EMID1: variants seen among roughly 807,000 people sequenced by gnomAD.
EMID1 encodes EMI domain-containing protein 1.
EMID1 carries 40 observed loss-of-function variants against 60.6 expected under a neutral mutation model. The observed-to-expected ratio is 0.66, with a 90% CI of 0.51 to 0.86. EMID1 has a LOEUF of 0.86. EMID1 is among the 40% of genes least tolerant of loss of function. The pLI is 0.00. For synonymous variants in EMID1, 242 were observed against 231.0 expected, an observed-to-expected ratio of 1.05 and a Z score of -0.43; for missense variants, 585 against 597.1, an observed-to-expected ratio of 0.98 and a Z score of 0.21.
At chr22:29,215,467 G>A (rs2040047682) in intron 2 of EMID1, 60 bp from the exon 3 acceptor site, 2 of 1,523,914 alleles carry the variant, frequency 1.3e-6, no homozygotes, top group Non-Finnish European at 1.8e-6. Context: ...GGGTGTCCAG[G>A]GCAGTGGGAG....
chr22:29,226,366 C>T, intron 4 of EMID1, 124 bp from the exon 5 acceptor site: 1 of 1,047,298 alleles, frequency 9.5e-7, no homozygotes, highest in Non-Finnish European at 1.4e-6. Flanking sequence ...AGCCTAAGGT[C>T]CCTCGTGGGT....
intron 12 of EMID1, among the ~76,000 whole-genome samples, chr22:29,235,406 G>C (rs1420842928): frequency 1.1e-4 from 16 of 148,778 alleles, no homozygotes; most frequent in Admixed American, 5.4e-4. Flanking sequence ...TTTAAAAACA[G>C]TTTGACTGTT....
At chr22:29,232,993 C>T (rs530275038) in intron 8 of EMID1, 32 of 250,474 alleles carry the variant, frequency 1.3e-4, no homozygotes, top group Non-Finnish European at 1.8e-4. Flanking sequence ...ACTATCCATA[C>T]GATGGGGACA....
chr22:29,217,927 G>T (rs2040145848), intron 3 of EMID1, among the ~76,000 whole-genome samples: 1 of 152,200 alleles, frequency 6.6e-6, no homozygotes, highest in African/African-American at 2.4e-5. Flanking sequence ...CCATAGAGCT[G>T]CATCACCAGG....
chr22:29,216,174 C>T (rs1413957954), intron 3 of EMID1: 5 of 369,762 alleles, frequency 1.4e-5, no homozygotes, highest in African/African-American at 2.2e-5. Flanking sequence ...GTCCCAGGCT[C>T]AGGGACTTCT....
At chr22:29,216,675 C>T (rs753054008) in intron 3 of EMID1, 32 of 984,012 alleles carry the variant, frequency 3.3e-5, no homozygotes, top group Non-Finnish European at 3.9e-5. Flanking sequence ...CTCCCGGGGA[C>T]CCTCAACAGC....
rs1247962705 is a variant in EMID1, at chr22:29,254,247, TGAGA to T, written c.1166_1169del (p.Glu389GlyfsTer3). Reference sequence around the variant, plus strand: ...TACGCGAGGCTTTGAAGATTTTAGCTGAGAGGGTTTTAATCTTGGAAACAATGAT... The same window carrying T: ...TACGCGAGGCTTTGAAGATTTTAGCTGGGTTTTAATCTTGGAAACAATGAT... On this transcript the variant is annotated frameshift_variant, in exon 14 of 15. Coordinates refer to ENST00000334018, the MANE Select transcript of EMID1 (RefSeq NM_133455.4). LOFTEE classifies it high-confidence loss of function. 4 of 1,614,160 alleles carry T rather than the reference TGAGA, an allele frequency of 2.5e-6. No individual in the cohort carries two copies. The highest frequency in any genetic ancestry group is 3.4e-6 in the Non-Finnish European group (4 of 1,180,006).
intron 13 of EMID1, among the ~76,000 whole-genome samples, chr22:29,244,776 A>G (rs573247868): frequency 6.6e-6 from 1 of 152,278 alleles, no homozygotes; most frequent in African/African-American, 2.4e-5. Context: ...ACCCTAAAAC[A>G]TACCATACCC....
rs185708793 is a variant in EMID1 at position 29,225,656 on chromosome 22, G to A, written c.403+440G>A. On this transcript the variant is annotated intron_variant, in intron 4 of 14. Transcript: ENST00000334018. ...GTCTCCGACCTCCCTGCCCTGCCCC[G>A]CCCCAGGCCCCACAGCCAGGAGTGG... 1.2e-3 allele frequency among the ~76,000 whole-genome samples: 177 copies of A among 152,224 alleles called. 2 individuals are homozygous for A. The highest frequency in any genetic ancestry group is 3.6e-3 in the African/African-American group (149 of 41,544).
chr22:29,258,620 T>TG (rs2041792522), intron 14 of EMID1, among the ~76,000 whole-genome samples, 197 bp from the exon 15 acceptor site: 3 of 152,272 alleles, frequency 2.0e-5, no homozygotes, highest in Non-Finnish European at 4.4e-5. Flanking sequence ...CTCCTTGGGC[T>TG]GGGGGGCTGG....
intron 5 of EMID1, among the ~76,000 whole-genome samples, chr22:29,228,047 TC>T (rs2040592199): frequency 6.6e-6 from 1 of 151,018 alleles, no homozygotes; most frequent in Non-Finnish European, 1.5e-5. Flanking sequence ...TCCCAGCTAC[TC>T]GGGAGGCTGA....
intron 13 of EMID1, among the ~76,000 whole-genome samples, chr22:29,248,935 A>G (rs931063894): frequency 3.3e-5 from 5 of 152,212 alleles, no homozygotes; most frequent in African/African-American, 1.2e-4. Context: ...GAGATATGCA[A>G]TCCATCGTAG....
chr22:29,250,086 A>T (rs1173777250), intron 13 of EMID1, among the ~76,000 whole-genome samples: 4 of 152,166 alleles, frequency 2.6e-5, no homozygotes, highest in Admixed American at 2.6e-4. Context: ...CTACAAAAAA[A>T]ATAAAAAAAT....
At chr22:29,233,899 A>G in intron 10 of EMID1, 2 of 660,848 alleles carry the variant, frequency 3.0e-6, no homozygotes, top group Non-Finnish European at 5.1e-6. Context: ...CCTAAGACCA[A>G]GAAAAGTAGA....
At chr22:29,233,945 G>T in intron 10 of EMID1, 192 bp from the exon 11 acceptor site, 1 of 690,462 alleles carries the variant, frequency 1.4e-6, no homozygotes, top group Non-Finnish European at 2.4e-6. Flanking sequence ...GAGCTGTGGT[G>T]GGACTGTCTG....
chr22:29,225,365 G>A, intron 4 of EMID1, 149 bp downstream of exon 4: 2 of 861,362 alleles, frequency 2.3e-6, no homozygotes, highest in South Asian at 3.5e-5. Flanking sequence ...ATGCTCCCCA[G>A]GCTACAAAAG....
intron 12 of EMID1, among the ~76,000 whole-genome samples, chr22:29,238,979 C>G (rs944182500): frequency 6.9e-6 from 1 of 144,442 alleles, no homozygotes; most frequent in African/African-American, 2.7e-5. Context: ...GGGGAAAATT[C>G]TGTCATTATT....
Position 29,233,359 on chromosome 22 carries a change from C to G in EMID1, c.824-20C>G. The G allele has an allele frequency of 1.2e-6, 2 of 1,613,396 alleles. No homozygotes were observed. The highest frequency in any genetic ancestry group is 1.7e-6 in the Non-Finnish European group (2 of 1,179,312). On this transcript the variant is annotated intron_variant, in intron 8 of 14. Coordinates refer to ENST00000334018, the MANE Select transcript of EMID1 (RefSeq NM_133455.4). ...CCCACTCTACCCAGCTCTACTCACTCATCATCTTTGCTCACCCAGGAGACC... is the reference window on the plus strand; with the variant it reads ...CCCACTCTACCCAGCTCTACTCACTGATCATCTTTGCTCACCCAGGAGACC...
At chr22:29,227,884 C>T (rs553849475) in intron 5 of EMID1, among the ~76,000 whole-genome samples, 4 of 151,774 alleles carry the variant, frequency 2.6e-5, no homozygotes, top group East Asian at 3.9e-4. Context: ...GGCCGAGTGC[C>T]GTGGCTCACG....
Sources: allele counts gnomAD v4.1 joint callset (sites outside exome capture counted in the v4.1 genomes callset), GRCh38; gene constraint gnomAD v4.1.1; transcripts MANE v1.5; gene names NCBI Gene and HGNC (gene_info 2026-07-23, HGNC 2026-07-21).